The following CDH18 variants were observed in gnomAD, a reference collection of about 807,000 sequenced individuals.
CDH18 encodes the protein cadherin 18.
Under a neutral mutation model 67.9 loss-of-function variants are expected in CDH18, and 31 were observed. That is an observed-to-expected ratio of 0.46 (90% CI 0.34 to 0.62). The LOEUF is 0.62. Ranked by LOEUF, CDH18 falls within the 20% of genes least tolerant of loss-of-function variation. The pLI is 0.01. For synonymous variants in CDH18, 362 were observed against 347.2 expected, an observed-to-expected ratio of 1.04 and a Z score of -0.48; for missense variants, 890 against 975.5, an observed-to-expected ratio of 0.91 and a Z score of 1.17.
At chr5:19,751,112 T>A (rs982311739) in intron 3 of CDH18, among the ~76,000 whole-genome samples, 2 of 152,170 alleles carry the variant, frequency 1.3e-5, no homozygotes, top group African/African-American at 4.8e-5. Flanking sequence ...TAGTAACCTA[T>A]GGCACTTAGA....
At chr5:20,359,203 T>C (rs1478879659) in intron 1 of CDH18, among the ~76,000 whole-genome samples, 1 of 152,130 alleles carries the variant, frequency 6.6e-6, no homozygotes. Context: ...AATATTGGGA[T>C]TACAAGTGTG....
chr5:19,636,783 A>T (rs2150204262), intron 5 of CDH18, among the ~76,000 whole-genome samples: 1 of 152,224 alleles, frequency 6.6e-6, no homozygotes, highest in East Asian at 1.9e-4. Flanking sequence ...GTTAGCAAAA[A>T]AAAAATGCCT....
intron 8 of CDH18, among the ~76,000 whole-genome samples, chr5:19,555,781 T>A (rs1738298910): frequency 6.6e-6 from 1 of 152,162 alleles, no homozygotes. Flanking sequence ...TGATGTGCTC[T>A]TGAAAGCACC....
At chr5:20,538,076 A>G (rs987716565) in intron 1 of CDH18, among the ~76,000 whole-genome samples, 25 of 138,364 alleles carry the variant, frequency 1.8e-4, no homozygotes, top group African/African-American at 5.9e-4. Flanking sequence ...GCTCAGAATT[A>G]TGAGTTTACT....
At chr5:20,177,836 T>G (rs1337609329) in intron 2 of CDH18, among the ~76,000 whole-genome samples, 2 of 152,112 alleles carry the variant, frequency 1.3e-5, no homozygotes, top group African/African-American at 2.4e-5. Flanking sequence ...TGCTTGGCTC[T>G]CATTCTCTCT....
At chr5:19,639,225 A>G (rs1753688684) in intron 5 of CDH18, among the ~76,000 whole-genome samples, 1 of 151,686 alleles carries the variant, frequency 6.6e-6, no homozygotes, top group African/African-American at 2.4e-5. Flanking sequence ...GATGGTCTCT[A>G]TCTCCTAATC....
intron 2 of CDH18, among the ~76,000 whole-genome samples, chr5:20,203,581 A>AAGAGAGAGAGAG (rs57913549): frequency 0.086 from 12,474 of 145,346 alleles, 653 homozygotes; most frequent in East Asian, 0.14. Context: ...GTGGAGGGAA[A>AAGAGAGAGAGAG]AGAGAGAGAG....
Position 20,447,396 on chromosome 5 carries a change from TAC to T in CDH18, c.-580+128064_-580+128065del, listed in dbSNP as rs1429177552. On this transcript the variant is annotated intron_variant, in intron 1 of 14. Coordinates refer to the CDH18 transcript ENST00000507958. ...ATCCTGATAAAAAAAAAAAAAGGGCTACACACAGTGTCCACAGTGTGTCTTGC... is the reference window on the plus strand; with the variant it reads ...ATCCTGATAAAAAAAAAAAAAGGGCTACACAGTGTCCACAGTGTGTCTTGC... Among the ~76,000 whole-genome samples the T allele has an allele frequency of 2.7e-5, 4 of 150,704 alleles. No individual in the cohort carries two copies. In the East Asian group the frequency reaches 7.7e-4, roughly 29 times the overall value.
rs567294505 is a variant in CDH18 at position 19,532,183 on chromosome 5, T to C, written c.1391-11405A>G. On this transcript the variant is annotated intron_variant, in intron 9 of 12. Transcript: ENST00000382275. ...TTTTTTTTTAAATGTTAGACTTCCA[T>C]TTGACAACATTTTTCTAATGCATCA... Among the ~76,000 whole-genome samples, 230 of 152,184 alleles carry C rather than the reference T, an allele frequency of 1.5e-3. 1 individual carries two copies. The highest frequency in any genetic ancestry group is 2.9e-3 in the Non-Finnish European group (197 of 68,036).
At chr5:20,197,471 G>A (rs894295294) in intron 2 of CDH18, among the ~76,000 whole-genome samples, 1 of 152,068 alleles carries the variant, frequency 6.6e-6, no homozygotes, top group Non-Finnish European at 1.5e-5. Flanking sequence ...AGTGTTATAC[G>A]AATGCATGCA....
At chr5:19,870,492 G>A (rs968923290) in intron 2 of CDH18, among the ~76,000 whole-genome samples, 2 of 151,852 alleles carry the variant, frequency 1.3e-5, no homozygotes, top group Non-Finnish European at 2.9e-5. Flanking sequence ...TTTTGATATC[G>A]GTATGATATT....
Position 19,839,193 on chromosome 5 carries a change from G to T in CDH18, c.-207C>A, listed in dbSNP as rs886471780. On this transcript the variant is annotated 5_prime_UTR_variant, in exon 3 of 13. Coordinates refer to ENST00000382275, the MANE Select transcript of CDH18 (RefSeq NM_004934.5). ...CACTTGGAAAATCAAAGCCGTAGTT[G>T]TCTGATTCCAACTCTTCACAGTAGT... The T allele has an allele frequency of 9.4e-6, 5 of 534,622 alleles. No individual in the cohort carries two copies. Among genetic ancestry groups the T allele is most frequent in the Non-Finnish European group, 1.7e-5 (5 of 298,986 alleles). The allele number at this position is 534,622 out of a possible 1,614,324, so 33.1% of individuals were successfully genotyped here.
chr5:20,478,459 G>T (rs576348386), intron 1 of CDH18, among the ~76,000 whole-genome samples: 1 of 152,078 alleles, frequency 6.6e-6, no homozygotes, highest in African/African-American at 2.4e-5. Flanking sequence ...ATGGAAGGTG[G>T]CCATGCAGTA....
Position 19,726,660 on chromosome 5 carries a change from C to T in CDH18, c.524-5194G>A, listed in dbSNP as rs76120392. On this transcript the variant is annotated intron_variant, in intron 4 of 12. Transcript: ENST00000382275. ...CTTAAGGCTGAAAGAAAAATATATT[C>T]GTATCTTAAATTCTTGTTTATTTGA... Among the ~76,000 whole-genome samples the T allele has an allele frequency of 1.1e-3, 174 of 152,236 alleles. 3 individuals carry two copies. In the East Asian group the frequency reaches 0.031, roughly 28 times the overall value.
chr5:20,438,008 T>C lies in CDH18; in HGVS notation c.-580+137454A>G, dbSNP rs1452786810. ...TTGAAATATAAGTATATTTTAAGGG[T>C]ATTTTTGACATTATAACATGAATAT... is the stretch of plus-strand genomic sequence containing the variant. On this transcript the variant is annotated intron_variant, in intron 1 of 14. Coordinates refer to the CDH18 transcript ENST00000507958. Among the ~76,000 whole-genome samples the C allele has an allele frequency of 2.6e-4, 40 of 151,364 alleles. 1 individual carries two copies. The highest frequency in any genetic ancestry group is 2.6e-3 in the Admixed American group (40 of 15,192).
chr5:19,507,206 T>C (rs1398019889), intron 10 of CDH18, among the ~76,000 whole-genome samples: 1 of 152,174 alleles, frequency 6.6e-6, no homozygotes, highest in Non-Finnish European at 1.5e-5. Context: ...CACAATGAGA[T>C]ACCATCTCAC....
chr5:20,510,257 A>G (rs1754948740), intron 1 of CDH18, among the ~76,000 whole-genome samples: 1 of 152,022 alleles, frequency 6.6e-6, no homozygotes. Flanking sequence ...TCAGTGTTAT[A>G]TAATTGTTTG....
At chr5:20,143,979 A>G (rs1750440117) in intron 2 of CDH18, among the ~76,000 whole-genome samples, 1 of 152,164 alleles carries the variant, frequency 6.6e-6, no homozygotes, top group African/African-American at 2.4e-5. Context: ...CTCTTGTGTG[A>G]TGTCTTGAAC....
At chr5:20,499,614 A>G (rs1754125305) in intron 1 of CDH18, among the ~76,000 whole-genome samples, 1 of 152,104 alleles carries the variant, frequency 6.6e-6, no homozygotes, top group Non-Finnish European at 1.5e-5. Flanking sequence ...TGTCATTTTG[A>G]ACTAATGCTC....
Sources: allele counts gnomAD v4.1 joint callset (sites outside exome capture counted in the v4.1 genomes callset), GRCh38; gene constraint gnomAD v4.1.1; transcripts MANE v1.5; gene names NCBI Gene and HGNC (gene_info 2026-07-23, HGNC 2026-07-21).